The following CUL5 variants were observed in gnomAD, a reference collection of about 807,000 sequenced individuals.
The protein encoded by CUL5 is cullin-5.
In CUL5, 26 loss-of-function variants were observed where a neutral mutation model predicts 108.8. That is an observed-to-expected ratio of 0.24 (90% CI 0.18 to 0.33). The LOEUF is 0.33. CUL5 is among the 10% of genes least tolerant of loss of function. CUL5 has a pLI of 1.00. For synonymous variants in CUL5, 334 were observed against 298.0 expected, an observed-to-expected ratio of 1.12 and a Z score of -1.25; for missense variants, 524 against 909.2, an observed-to-expected ratio of 0.58 and a Z score of 5.45.
rs757498215 is a variant in CUL5, at chr11:108,078,163, T to C, written c.1114-13T>C. 2.1e-6 allele frequency: 3 copies of C among 1,454,956 alleles called. No individual in the cohort carries two copies. The highest frequency in any genetic ancestry group is 2.8e-6 in the Non-Finnish European group (3 of 1,061,410). 90.1% of individuals were successfully genotyped at this position (1,454,956 alleles called of 1,614,324 possible). ...AATATTAAAAATATTTTATTCCAAA[T>C]TATTTTTTGCAGGCGTATAAAGCAG... is the stretch of plus-strand genomic sequence containing the variant. On this transcript the variant is annotated splice_polypyrimidine_tract_variant and intron_variant, in intron 10 of 18. Coordinates refer to ENST00000393094, the MANE Select transcript of CUL5 (RefSeq NM_003478.6).
chr11:108,014,962 G>C (rs773735999), intron 1 of CUL5, among the ~76,000 whole-genome samples: 2 of 152,070 alleles, frequency 1.3e-5, no homozygotes, highest in African/African-American at 4.8e-5. Flanking sequence ...GCAGTGGCAC[G>C]ATCTTGGCTC....
At chr11:108,072,975 G>C (rs1863860585) in intron 9 of CUL5, among the ~76,000 whole-genome samples, 1 of 152,086 alleles carries the variant, frequency 6.6e-6, no homozygotes, top group Non-Finnish European at 1.5e-5. Context: ...GGCCGAGGTG[G>C]GCAGATCACA....
Position 108,009,179 on chromosome 11 carries a change from T to TG in CUL5, c.-168dup. 1 of 657,874 alleles carries TG rather than the reference T, an allele frequency of 1.5e-6. No homozygotes were observed. Among genetic ancestry groups the TG allele is most frequent in the South Asian group, 1.9e-5 (1 of 53,058 alleles). 40.8% of individuals were successfully genotyped at this position (657,874 alleles called of 1,614,324 possible). A position where few individuals can be genotyped will look rare whatever the true frequency, so the allele number is the denominator to read the frequency against. On this transcript the variant is annotated 5_prime_UTR_variant, in exon 1 of 19. An upstream open reading frame in the 5' UTR gains an earlier in-frame stop. Transcript: ENST00000393094. Reference sequence around the variant, plus strand: ...TAGGGGAGAAGAGTGAGGAAGCTCCTGGTGCTTGGGACGAGGTCAGCGCTG... The same window carrying TG: ...TAGGGGAGAAGAGTGAGGAAGCTCCTGGGTGCTTGGGACGAGGTCAGCGCTG...
chr11:108,087,390 TG>T (rs1270458491), intron 11 of CUL5, among the ~76,000 whole-genome samples: 7 of 152,224 alleles, frequency 4.6e-5, no homozygotes, highest in Non-Finnish European at 1.0e-4. Flanking sequence ...AAACAATACT[TG>T]AATTTTATAA....
intron 2 of CUL5, among the ~76,000 whole-genome samples, chr11:108,037,149 ACT>A (rs973099398): frequency 5.9e-5 from 9 of 151,916 alleles, no homozygotes; most frequent in African/African-American, 1.9e-4. Flanking sequence ...CATCATCCAG[ACT>A]CTGTTTTTTC....
chr11:108,079,015 T>G (rs1431756210), intron 11 of CUL5, among the ~76,000 whole-genome samples: 1 of 152,154 alleles, frequency 6.6e-6, no homozygotes, highest in Non-Finnish European at 1.5e-5. Flanking sequence ...ATGTGAAACA[T>G]ATAGCACTGC....
At chr11:108,045,873 T>TA (rs1031586124) in intron 2 of CUL5, among the ~76,000 whole-genome samples, 2 of 151,890 alleles carry the variant, frequency 1.3e-5, no homozygotes, top group Admixed American at 6.6e-5. Flanking sequence ...AAAATAAAAA[T>TA]AAAAAAATTT....
Position 108,027,978 on chromosome 11 carries a change from C to T in CUL5, c.25-5824C>T, listed in dbSNP as rs1862492190. On this transcript the variant is annotated intron_variant, in intron 1 of 18. Coordinates refer to ENST00000393094, the MANE Select transcript of CUL5 (RefSeq NM_003478.6). Reference sequence around the variant, plus strand: ...TTGTCTCCTTTGCTAGTTCTTACTCCTCTCTCCGCCTCTTAATGTTGGATA... The same window carrying T: ...TTGTCTCCTTTGCTAGTTCTTACTCTTCTCTCCGCCTCTTAATGTTGGATA... Among the ~76,000 whole-genome samples, 3 of 152,134 alleles carry T rather than the reference C, an allele frequency of 2.0e-5. No homozygotes were observed. The South Asian group carries it at 6.2e-4, about 32-fold the overall frequency.
chr11:108,024,321 A>G (rs1047625547), intron 1 of CUL5, among the ~76,000 whole-genome samples: 3 of 152,198 alleles, frequency 2.0e-5, no homozygotes, highest in African/African-American at 7.2e-5. Flanking sequence ...AGGCTGAGGC[A>G]GGAGGGCCAC....
intron 17 of CUL5, 97 bp downstream of exon 17, chr11:108,097,851 A>G (rs1309638284): frequency 3.1e-6 from 2 of 653,870 alleles, no homozygotes; most frequent in Non-Finnish European, 5.4e-6. Flanking sequence ...TATATTTAAA[A>G]CATTATATAC....
chr11:108,068,793 C>G (rs1405779531), intron 7 of CUL5, among the ~76,000 whole-genome samples: 1 of 152,146 alleles, frequency 6.6e-6, no homozygotes, highest in Non-Finnish European at 1.5e-5. Flanking sequence ...TTTAGATTTT[C>G]CTGATGGCCT....
intron 2 of CUL5, among the ~76,000 whole-genome samples, chr11:108,038,540 T>C (rs977315561): frequency 6.6e-6 from 1 of 151,796 alleles, no homozygotes; most frequent in African/African-American, 2.4e-5. Context: ...CTGAGTGCGG[T>C]GGTGGGCCTC....
chr11:108,097,284 G>T (rs979260876), intron 16 of CUL5, among the ~76,000 whole-genome samples: 1 of 152,172 alleles, frequency 6.6e-6, no homozygotes, highest in Admixed American at 6.5e-5. Flanking sequence ...CCAAAGTGCT[G>T]GAATTACAGG....
chr11:108,011,878 G>C (rs920176767), intron 1 of CUL5, among the ~76,000 whole-genome samples: 1 of 152,110 alleles, frequency 6.6e-6, no homozygotes, highest in African/African-American at 2.4e-5. Flanking sequence ...CACCCTCCTC[G>C]ACCTCTCAAA....
intron 13 of CUL5, among the ~76,000 whole-genome samples, chr11:108,090,047 A>AG (rs1864313281): frequency 6.6e-6 from 1 of 151,688 alleles, no homozygotes; most frequent in Non-Finnish European, 1.5e-5. Context: ...TTCAAAAAAA[A>AG]AAGAATATAC....
At chr11:108,018,500 C>T (rs1862255358) in intron 1 of CUL5, among the ~76,000 whole-genome samples, 1 of 150,038 alleles carries the variant, frequency 6.7e-6, no homozygotes, top group African/African-American at 2.5e-5. Context: ...AACCCCATCT[C>T]TACTAAAAAA....
Position 108,052,752 on chromosome 11 carries a change from G to C in CUL5, c.504G>C (p.Leu168Phe), listed in dbSNP as rs1863266627. The change falls in exon 5 of 19, where the codon TTG becomes TTC. Residue 168 changes from leucine (L) to phenylalanine (F), a missense_variant. By Grantham distance (22) the Leu-to-Phe change is conservative. Transcript: ENST00000393094. ...TGAAGCTGGTACATGCTGAGAGATT[G>C]GGAGAAGCTTTTGATTCTCAGCTGG... ...SAMKLVHAER[L>F]GEAFDSQLVI... 1 of 1,613,622 alleles carries C rather than the reference G, an allele frequency of 6.2e-7. No individual in the cohort carries two copies. Among genetic ancestry groups the C allele is most frequent in the Non-Finnish European group, 8.5e-7 (1 of 1,179,774 alleles).
Position 108,033,845 on chromosome 11 carries a change from G to A in CUL5, c.68G>A (p.Arg23His), listed in dbSNP as rs776358493. Residue 23 changes from arginine (R) to histidine (H), a missense_variant, in exon 2 of 19, where the codon CGC becomes CAC. Arg to His is a conservative substitution (Grantham distance 29). Coordinates refer to ENST00000393094, the MANE Select transcript of CUL5 (RefSeq NM_003478.6). ...TTTGAAGACAAATGGGATTTTATGCGCCCGATTGTTTTGAAGCTTTTACGC... is the reference window on the plus strand; with the variant it reads ...TTTGAAGACAAATGGGATTTTATGCACCCGATTGTTTTGAAGCTTTTACGC... Reference protein sequence around the residue: ...LQFEDKWDFMRPIVLKLLRQE... With the variant: ...LQFEDKWDFMHPIVLKLLRQE... The A allele has an allele frequency of 2.5e-5, 40 of 1,611,760 alleles. No individual in the cohort carries two copies. In the East Asian group the frequency reaches 3.1e-4, roughly 13 times the overall value.
Position 108,011,329 on chromosome 11 carries a change from G to C in CUL5, c.24+1957G>C, listed in dbSNP as rs535615033. 2.0e-5 allele frequency among the ~76,000 whole-genome samples: 3 copies of C among 152,220 alleles called. No individual in the cohort carries two copies. In the East Asian group the frequency reaches 5.8e-4, roughly 29 times the overall value. ...ATTAGTTAAGTACTTACCTGTGGAA[G>C]CTACTTTGGTTCATATTAGTTAAGT... On this transcript the variant is annotated intron_variant, in intron 1 of 18. Coordinates refer to ENST00000393094, the MANE Select transcript of CUL5 (RefSeq NM_003478.6).
Sources: allele counts gnomAD v4.1 joint callset (sites outside exome capture counted in the v4.1 genomes callset), GRCh38; gene constraint gnomAD v4.1.1; transcripts MANE v1.5; gene names NCBI Gene and HGNC (gene_info 2026-07-23, HGNC 2026-07-21).